The following TMED3 variants were observed in gnomAD, a reference collection of about 807,000 sequenced individuals.
TMED3 encodes the protein transmembrane p24 trafficking protein 3.
A neutral mutation model predicts 15.0 loss-of-function variants in TMED3; 9 were observed. The observed-to-expected ratio is 0.60, with a 90% CI of 0.36 to 1.04. TMED3 has a LOEUF of 1.04. Among genes scored for constraint, TMED3 ranks in the 50% least tolerant of loss-of-function variants. TMED3 has a pLI of 0.01. For synonymous variants in TMED3, 117 were observed against 121.4 expected (o/e 0.96, Z 0.24); for missense variants, 267 against 278.9 (o/e 0.96, Z 0.30).
chr15:79,332,661 C>T (rs945993448), intron 2 of TMED3, among the ~76,000 whole-genome samples: 3 of 152,198 alleles, frequency 2.0e-5, no homozygotes, highest in Admixed American at 1.3e-4. Context: ...CCCATTCTCG[C>T]TTATCATTCA....
chr15:79,400,452 A>G (rs1221147865), intron 2 of TMED3, among the ~76,000 whole-genome samples: 1 of 152,262 alleles, frequency 6.6e-6, no homozygotes, highest in Non-Finnish European at 1.5e-5. Flanking sequence ...CACTTCCCCA[A>G]TGCCTCGAAC....
At chr15:79,347,380 C>T (rs1276585537) in intron 2 of TMED3, among the ~76,000 whole-genome samples, 4 of 152,020 alleles carry the variant, frequency 2.6e-5, no homozygotes, top group Non-Finnish European at 5.9e-5. Flanking sequence ...AGGAAAATAC[C>T]TCAAAATAAT....
chr15:79,389,941 A>G (rs1282464170), intron 2 of TMED3, among the ~76,000 whole-genome samples: 3 of 152,154 alleles, frequency 2.0e-5, no homozygotes, highest in Non-Finnish European at 4.4e-5. Flanking sequence ...TTAATCTTGT[A>G]TCCAGAACCT....
chr15:79,390,344 T>C (rs1893680321), intron 2 of TMED3, among the ~76,000 whole-genome samples: 1 of 152,232 alleles, frequency 6.6e-6, no homozygotes, highest in African/African-American at 2.4e-5. Context: ...TCTGTTGAGA[T>C]GATCATGTGA....
At chr15:79,367,577 A>G (rs145048704) in intron 2 of TMED3, among the ~76,000 whole-genome samples, 274 of 152,292 alleles carry the variant, frequency 1.8e-3, no homozygotes, top group African/African-American at 6.0e-3. Flanking sequence ...GCTCCCTCAG[A>G]GCAAGAAGTA....
Position 79,357,349 on chromosome 15 carries a change from G to A in TMED3, c.417+43344G>A, listed in dbSNP as rs372598675. 6.5e-4 allele frequency among the ~76,000 whole-genome samples: 99 copies of A among 151,186 alleles called. 1 individual carries two copies. Among genetic ancestry groups the A allele is most frequent in the African/African-American group, 1.2e-3 (49 of 41,166 alleles). Reference sequence around the variant, plus strand: ...GAAAAAAAAAAAATTGCCAAGCATGGCAGTGCATGCCTGTGGTCCTAGCTA... The same window carrying A: ...GAAAAAAAAAAAATTGCCAAGCATGACAGTGCATGCCTGTGGTCCTAGCTA... On this transcript the variant is annotated intron_variant, in intron 2 of 2. Transcript: ENST00000424155.
intron 2 of TMED3, among the ~76,000 whole-genome samples, chr15:79,352,305 G>A (rs1198098816): frequency 6.6e-6 from 1 of 152,080 alleles, no homozygotes; most frequent in East Asian, 1.9e-4. Context: ...TCCCCAGAAG[G>A]CACCCATGAA....
At chr15:79,370,788 G>A (rs1377041349) in intron 2 of TMED3, among the ~76,000 whole-genome samples, 9 of 152,184 alleles carry the variant, frequency 5.9e-5, no homozygotes, top group Non-Finnish European at 7.4e-5. Flanking sequence ...GAATGTTGTT[G>A]TAGTCCTTTG....
chr15:79,359,230 G>GTTTTTT (rs5813967), intron 2 of TMED3, among the ~76,000 whole-genome samples: 1 of 122,416 alleles, frequency 8.2e-6, no homozygotes. Flanking sequence ...AGAAGGCTCA[G>GTTTTTT]TTTTTTTTTT....
intron 2 of TMED3, among the ~76,000 whole-genome samples, chr15:79,371,363 C>G (rs528688313): frequency 6.6e-6 from 1 of 152,054 alleles, no homozygotes; most frequent in Non-Finnish European, 1.5e-5. Context: ...GACAGTGAGA[C>G]GTGATAGAAC....
intron 2 of TMED3, among the ~76,000 whole-genome samples, chr15:79,365,076 A>G (rs558273194): frequency 6.6e-6 from 1 of 152,332 alleles, no homozygotes; most frequent in East Asian, 1.9e-4. Context: ...CTCTCCCCTC[A>G]GGGGTTTGAG....
At chr15:79,347,707 C>G (rs2058875991) in intron 2 of TMED3, among the ~76,000 whole-genome samples, 1 of 152,084 alleles carries the variant, frequency 6.6e-6, no homozygotes, top group South Asian at 2.1e-4. Context: ...AATCAATGTG[C>G]AAAAATTACT....
At chr15:79,403,166 T>C (rs761618419) in intron 2 of TMED3, among the ~76,000 whole-genome samples, 44 of 135,828 alleles carry the variant, frequency 3.2e-4, no homozygotes, top group Non-Finnish European at 6.0e-4. Flanking sequence ...GAGATTGCAG[T>C]GAGCTGAGAT....
At position 79,319,970 on chromosome 15, in the gene TMED3, C is replaced by T. The variant is rs555464922; in HGVS notation, c.418-2008C>T. On this transcript the variant is annotated intron_variant, in intron 2 of 2. Coordinates refer to ENST00000299705, the MANE Select transcript of TMED3 (RefSeq NM_007364.4). Reference sequence around the variant, plus strand: ...CAGCATCACAGGGAGACAGTTAGGTCCCCGGATAACTGCGGGTGGGCCTGA... The same window carrying T: ...CAGCATCACAGGGAGACAGTTAGGTTCCCGGATAACTGCGGGTGGGCCTGA... 1.0e-3 allele frequency among the ~76,000 whole-genome samples: 153 copies of T among 152,316 alleles called. 1 individual carries two copies. Among genetic ancestry groups the T allele is most frequent in the Admixed American group, 1.9e-3 (29 of 15,302 alleles).
At chr15:79,376,092 G>GTTTTTTTTTTTTTTTTTTT (rs199728545) in intron 2 of TMED3, among the ~76,000 whole-genome samples, 1 of 112,064 alleles carries the variant, frequency 8.9e-6, no homozygotes, top group Non-Finnish European at 1.8e-5. Context: ...CTAGAGAAAG[G>GTTTTTTTTTTTTTTTTTTT]TTTTTTTTTT....
Position 79,313,926 on chromosome 15 carries a change from C to T in TMED3, c.338C>T (p.Thr113Ile). 1 of 1,614,228 alleles carries T rather than the reference C, an allele frequency of 6.2e-7. No homozygotes were observed. The highest frequency in any genetic ancestry group is 1.1e-5 in the South Asian group (1 of 91,076). Residue 113 changes from threonine to isoleucine, a missense_variant, in exon 2 of 3, where the codon ACC (threonine) becomes ATC (isoleucine). Coordinates refer to ENST00000299705, the MANE Select transcript of TMED3 (RefSeq NM_007364.4). The stretch of plus-strand genomic sequence containing the variant: ...GAGTTTTCCACCTTCTCTCACAAGA[C>T]CGTCTACTTTGACTTTCAAGTGGGC... ...SNEFSTFSHKTVYFDFQVGDE... is the reference protein window; with the variant it reads ...SNEFSTFSHKIVYFDFQVGDE...
intron 2 of TMED3, among the ~76,000 whole-genome samples, chr15:79,375,961 T>C (rs901396126): frequency 6.6e-6 from 1 of 152,220 alleles, no homozygotes; most frequent in Non-Finnish European, 1.5e-5. Context: ...ATGGCAGCCC[T>C]ATGCTACATA....
intron 2 of TMED3, among the ~76,000 whole-genome samples, chr15:79,398,202 C>T (rs1297286125): frequency 6.6e-6 from 1 of 152,088 alleles, no homozygotes; most frequent in Non-Finnish European, 1.5e-5. Context: ...CCATTGCTTT[C>T]TTTTTCCAGA....
rs1030497617 is a variant in TMED3, at chr15:79,311,144, C to T, written c.-106C>T. On this transcript the variant is annotated 5_prime_UTR_variant, in exon 1 of 3. In the 5' UTR this introduces an upstream ATG that the reference lacks. Coordinates refer to ENST00000299705, the MANE Select transcript of TMED3 (RefSeq NM_007364.4). ...GAAGCGCAGAGCTCCGCTGGTGCCACGTCTATCCCCTTACATCCTCCTAGG... is the reference window on the plus strand; with the variant it reads ...GAAGCGCAGAGCTCCGCTGGTGCCATGTCTATCCCCTTACATCCTCCTAGG... 2 of 1,278,472 alleles carry T rather than the reference C, an allele frequency of 1.6e-6. No homozygotes were observed. The highest frequency in any genetic ancestry group is 2.1e-6 in the Non-Finnish European group (2 of 961,496). 79.2% of individuals were successfully genotyped at this position (1,278,472 alleles called of 1,614,324 possible).
Sources: allele counts gnomAD v4.1 joint callset (sites outside exome capture counted in the v4.1 genomes callset), GRCh38; gene constraint gnomAD v4.1.1; transcripts MANE v1.5; gene names NCBI Gene and HGNC (gene_info 2026-07-23, HGNC 2026-07-21).